ATXN1: variants seen among roughly 807,000 people sequenced by gnomAD.
ATXN1 encodes the protein ataxin 1.
A neutral mutation model predicts 56.4 loss-of-function variants in ATXN1; 8 were observed. That is an observed-to-expected ratio of 0.14 (90% CI 0.08 to 0.26). The LOEUF (loss-of-function observed/expected upper bound fraction) is 0.26, where lower values mean the gene tolerates loss of function less well. ATXN1 is among the 10% of genes least tolerant of loss of function. The pLI, the probability that ATXN1 is intolerant of heterozygous loss-of-function variation, is 1.00. For missense variants in ATXN1, 987 were observed against 1,106.5 expected (o/e 0.89, Z 1.53); for synonymous variants, 514 against 494.6 (o/e 1.04, Z -0.52).
chr6:16,331,501 G>A (rs765098660), intron 6 of ATXN1, among the ~76,000 whole-genome samples: 8 of 152,144 alleles, frequency 5.3e-5, no homozygotes, highest in Admixed American at 2.0e-4. Flanking sequence ...CAGTCCATGC[G>A]CCCCCTGCTG....
intron 6 of ATXN1, among the ~76,000 whole-genome samples, chr6:16,369,959 G>A (rs1430893955): frequency 6.6e-6 from 1 of 152,148 alleles, no homozygotes; most frequent in East Asian, 1.9e-4. Context: ...AGCACAACCT[G>A]GACGTGCCTG....
chr6:16,529,397 A>G (rs1761458786), intron 4 of ATXN1, among the ~76,000 whole-genome samples: 1 of 152,056 alleles, frequency 6.6e-6, no homozygotes, highest in African/African-American at 2.4e-5. Flanking sequence ...CAGTCTAACA[A>G]TTACTTTGCA....
chr6:16,759,437 G>T (rs1760989222), intron 1 of ATXN1, among the ~76,000 whole-genome samples: 1 of 150,942 alleles, frequency 6.6e-6, no homozygotes, highest in Non-Finnish European at 1.5e-5. Flanking sequence ...GTTTGGAGGA[G>T]TCCCTACTGC....
At chr6:16,542,062 C>A (rs1446474846) in intron 4 of ATXN1, among the ~76,000 whole-genome samples, 3 of 152,010 alleles carry the variant, frequency 2.0e-5, no homozygotes, top group South Asian at 2.1e-4. Context: ...AACGCCACCA[C>A]CAAGAATTAC....
intron 7 of ATXN1, among the ~76,000 whole-genome samples, chr6:16,309,850 A>G (rs1172984543): frequency 6.6e-6 from 1 of 152,052 alleles, no homozygotes; most frequent in East Asian, 1.9e-4. Flanking sequence ...TCTGGCCAAC[A>G]TGGTGAAACC....
intron 6 of ATXN1, among the ~76,000 whole-genome samples, chr6:16,457,240 T>C (rs984079647): frequency 6.6e-6 from 1 of 152,118 alleles, no homozygotes; most frequent in Non-Finnish European, 1.5e-5. Context: ...TGAGAATCCA[T>C]TGGTAAGGGC....
chr6:16,677,125 AT>A (rs1283652872), intron 2 of ATXN1, among the ~76,000 whole-genome samples: 1 of 151,472 alleles, frequency 6.6e-6, no homozygotes, highest in Non-Finnish European at 1.5e-5. Flanking sequence ...GTCCTTAAAG[AT>A]TTCCAACCTG....
chr6:16,348,359 C>G (rs769500126), intron 6 of ATXN1, among the ~76,000 whole-genome samples: 2 of 152,098 alleles, frequency 1.3e-5, no homozygotes, highest in African/African-American at 2.4e-5. Flanking sequence ...GCCACAGCAC[C>G]GGGCCCATTC....
intron 6 of ATXN1, among the ~76,000 whole-genome samples, chr6:16,396,366 G>C (rs1758459493): frequency 6.6e-6 from 1 of 152,106 alleles, no homozygotes; most frequent in Non-Finnish European, 1.5e-5. Context: ...GATGGCTTGA[G>C]CCCGGGTGCG....
intron 5 of ATXN1, among the ~76,000 whole-genome samples, chr6:16,503,426 G>T (rs1185060394): frequency 6.6e-6 from 1 of 152,198 alleles, no homozygotes; most frequent in Non-Finnish European, 1.5e-5. Flanking sequence ...CATGCTGTTT[G>T]TTCCCTGTGC....
rs117488164 is a variant in ATXN1, at chr6:16,399,020, C to T, written c.-160-70550G>A. On this transcript the variant is annotated intron_variant, in intron 6 of 7. Transcript: ENST00000436367. ...TTCCATTAAACATGCCTCCGTCTCA[C>T]GACTCCAGCCAGGGTTAAAACCTTC... Among the ~76,000 whole-genome samples, 132 of 152,318 alleles carry T rather than the reference C, an allele frequency of 8.7e-4. No individual in the cohort carries two copies. In the East Asian group the frequency reaches 0.018, roughly 21 times the overall value.
At chr6:16,619,562 A>T (rs1381510907) in intron 3 of ATXN1, among the ~76,000 whole-genome samples, 1 of 152,168 alleles carries the variant, frequency 6.6e-6, no homozygotes, top group African/African-American at 2.4e-5. Flanking sequence ...AATCAGCATG[A>T]TCCCAGTTAA....
At chr6:16,387,486 C>T (rs1213760850) in intron 6 of ATXN1, among the ~76,000 whole-genome samples, 5 of 152,298 alleles carry the variant, frequency 3.3e-5, no homozygotes, top group East Asian at 1.9e-4. Flanking sequence ...TATGCTTGCT[C>T]GTGATTCTCA....
intron 6 of ATXN1, among the ~76,000 whole-genome samples, chr6:16,420,261 G>C (rs955975179): frequency 2.6e-5 from 4 of 152,178 alleles, no homozygotes. Context: ...GAGATGGTGG[G>C]ATGACTTTCA....
intron 6 of ATXN1, among the ~76,000 whole-genome samples, chr6:16,449,645 T>C (rs569434159): frequency 9.8e-5 from 15 of 152,324 alleles, no homozygotes; most frequent in African/African-American, 3.4e-4. Context: ...ATGTAAATGG[T>C]TTCACATTGT....
intron 1 of ATXN1, among the ~76,000 whole-genome samples, chr6:16,758,400 A>G (rs1760952154): frequency 6.6e-6 from 1 of 152,232 alleles, no homozygotes; most frequent in South Asian, 2.1e-4. Flanking sequence ...ATCTGTTCAC[A>G]ATAAACACCA....
intron 4 of ATXN1, among the ~76,000 whole-genome samples, chr6:16,558,387 CT>C (rs1017456580): frequency 1.3e-5 from 2 of 148,338 alleles, no homozygotes; most frequent in African/African-American, 4.9e-5. Flanking sequence ...TTTTTATTTT[CT>C]TTTAGAGACA....
intron 2 of ATXN1, among the ~76,000 whole-genome samples, chr6:16,705,240 C>T (rs564687938): frequency 2.2e-4 from 33 of 152,294 alleles, no homozygotes; most frequent in African/African-American, 7.2e-4. Context: ...CAAACAATAG[C>T]CCTACTGTTT....
chr6:16,320,792 T>G (rs774828170), intron 7 of ATXN1, among the ~76,000 whole-genome samples: 3 of 152,186 alleles, frequency 2.0e-5, no homozygotes, highest in Non-Finnish European at 2.9e-5. Flanking sequence ...ATTGATATGC[T>G]CACGCAGGCT....
Sources: allele counts gnomAD v4.1 joint callset (sites outside exome capture counted in the v4.1 genomes callset), GRCh38; gene constraint gnomAD v4.1.1; transcripts MANE v1.5; gene names NCBI Gene and HGNC (gene_info 2026-07-23, HGNC 2026-07-21).